Variants in SUGCT observed in about 807,000 individuals in gnomAD.
SUGCT encodes the protein succinyl-CoA:glutarate CoA-transferase.
A neutral mutation model predicts 55.0 loss-of-function variants in SUGCT; 41 were observed. That is an observed-to-expected ratio of 0.74 (90% CI 0.58 to 0.97). The LOEUF is 0.97. Among genes scored for constraint, SUGCT ranks in the 50% least tolerant of loss-of-function variants. The pLI is 0.00. For missense variants in SUGCT, 568 were observed against 547.8 expected, an observed-to-expected ratio of 1.04 and a Z score of -0.37; for synonymous variants, 187 against 200.4, an observed-to-expected ratio of 0.93 and a Z score of 0.56.
chr7:40,333,708 T>C (rs1796491080), intron 9 of SUGCT, among the ~76,000 whole-genome samples: 1 of 120,628 alleles, frequency 8.3e-6, no homozygotes, highest in Admixed American at 8.8e-5. Flanking sequence ...TATATAAATA[T>C]TTATAAAATA....
At position 40,389,624 on chromosome 7, in the gene SUGCT, A is replaced by G. The variant is rs546265837; in HGVS notation, c.817-59663A>G. On this transcript the variant is annotated intron_variant, in intron 9 of 13. Transcript: ENST00000335693. The stretch of plus-strand genomic sequence containing the variant: ...GCACTTTATCTCATTGTCAATGACA[A>G]AGCAATAAGGTAAATATTATTTCTA... Among the ~76,000 whole-genome samples the G allele has an allele frequency of 5.9e-5, 9 of 152,312 alleles. No individual in the cohort carries two copies. The South Asian group carries it at 6.2e-4, about 11-fold the overall frequency.
chr7:40,614,653 A>C (rs1798909848), intron 12 of SUGCT, among the ~76,000 whole-genome samples: 1 of 152,244 alleles, frequency 6.6e-6, no homozygotes, highest in South Asian at 2.1e-4. Flanking sequence ...TGAAATCAGA[A>C]CTTAGGAAAG....
intron 7 of SUGCT, among the ~76,000 whole-genome samples, chr7:40,248,058 C>A (rs1046078245): frequency 6.9e-5 from 10 of 144,264 alleles, no homozygotes; most frequent in African/African-American, 2.6e-4. Context: ...GTTGCCCAGG[C>A]TGGAGTGCAG....
chr7:40,883,571 G>A, the SUGCT span, among the ~76,000 whole-genome samples: 2 of 152,126 alleles, frequency 1.3e-5, no homozygotes, highest in Non-Finnish European at 2.9e-5. Flanking sequence ...TCACAGAATT[G>A]TCAGGATGAC....
chr7:40,490,440 C>T (rs1168691678), intron 11 of SUGCT, among the ~76,000 whole-genome samples: 1 of 152,132 alleles, frequency 6.6e-6, no homozygotes, highest in Non-Finnish European at 1.5e-5. Context: ...TTTCCCACTG[C>T]AGAAATTGTG....
At chr7:41,009,321 A>C in the SUGCT span, among the ~76,000 whole-genome samples, 6 of 152,016 alleles carry the variant, frequency 3.9e-5, no homozygotes, top group Admixed American at 3.9e-4. Context: ...AATGATTTTT[A>C]TACCCAGGGC....
intron 12 of SUGCT, among the ~76,000 whole-genome samples, chr7:40,585,188 T>G (rs1430148357): frequency 6.6e-6 from 1 of 152,162 alleles, no homozygotes; most frequent in African/African-American, 2.4e-5. Flanking sequence ...CCAAATGTAG[T>G]TATCCTTGAA....
rs533756208 is a variant in SUGCT at position 40,323,032 on chromosome 7, A to G, written c.816+6177A>G. On this transcript the variant is annotated intron_variant, in intron 9 of 13. Transcript: ENST00000335693. ...ATGAGTCCCATCACTCCTTATACCC[A>G]TTTGCCTCAATTACAACCAGAACTC... Among the ~76,000 whole-genome samples the G allele has an allele frequency of 2.0e-5, 3 of 149,490 alleles. No homozygotes were observed. The South Asian group carries it at 6.4e-4, about 32-fold the overall frequency.
At chr7:40,789,634 A>G (rs1790207155) in intron 13 of SUGCT, among the ~76,000 whole-genome samples, 1 of 152,178 alleles carries the variant, frequency 6.6e-6, no homozygotes, top group South Asian at 2.1e-4. Flanking sequence ...TTGGATAAAT[A>G]CCCAGGAGTG....
chr7:40,493,174 A>G (rs1286905874), intron 11 of SUGCT, among the ~76,000 whole-genome samples: 2 of 152,184 alleles, frequency 1.3e-5, no homozygotes, highest in Non-Finnish European at 2.9e-5. Context: ...AAGCAGTCTC[A>G]GCTTTAAACA....
At chr7:40,868,178 T>C in the SUGCT span, among the ~76,000 whole-genome samples, 22 of 152,298 alleles carry the variant, frequency 1.4e-4, no homozygotes, top group South Asian at 4.1e-3. Flanking sequence ...GAGCTAGTCT[T>C]TTTTTCTTTA....
chr7:40,566,570 C>T (rs1796164880), intron 12 of SUGCT, among the ~76,000 whole-genome samples: 1 of 152,198 alleles, frequency 6.6e-6, no homozygotes, highest in African/African-American at 2.4e-5. Context: ...TTCTTCTTTG[C>T]TTGTCTGCTA....
Position 40,847,029 on chromosome 7 carries a change from T to C in SUGCT, c.1154-13287T>C, listed in dbSNP as rs142922499. Among the ~76,000 whole-genome samples, 290 of 152,282 alleles carry C rather than the reference T, an allele frequency of 1.9e-3. 1 individual carries two copies. Among genetic ancestry groups the C allele is most frequent in the African/African-American group, 6.6e-3 (275 of 41,554 alleles). On this transcript the variant is annotated intron_variant, in intron 13 of 13. Coordinates refer to ENST00000335693, the MANE Select transcript of SUGCT (RefSeq NM_001193313.2). ...AGTATCATCATTCCACTGGCCAAAA[T>C]TGGCTACACACAAAATGAGCCATTT...
At chr7:40,290,460 A>G (rs1793670080) in intron 8 of SUGCT, among the ~76,000 whole-genome samples, 1 of 152,208 alleles carries the variant, frequency 6.6e-6, no homozygotes, top group African/African-American at 2.4e-5. Context: ...ATATGTAGAA[A>G]GCTGAAACTG....
chr7:40,888,340 G>C, the SUGCT span, among the ~76,000 whole-genome samples: 2 of 151,994 alleles, frequency 1.3e-5, no homozygotes, highest in African/African-American at 4.8e-5. Context: ...AAAAGGTAGA[G>C]ATAGGGAGGC....
chr7:40,543,240 C>T (rs1040562290), intron 12 of SUGCT, among the ~76,000 whole-genome samples: 23 of 152,262 alleles, frequency 1.5e-4, no homozygotes, highest in Non-Finnish European at 4.4e-5. Context: ...GATCATCCTG[C>T]TGAAAATATG....
At chr7:40,331,688 C>CTTCA (rs1443115274) in intron 9 of SUGCT, among the ~76,000 whole-genome samples, 2 of 152,164 alleles carry the variant, frequency 1.3e-5, no homozygotes, top group Non-Finnish European at 2.9e-5. Context: ...GAGTGGAGCT[C>CTTCA]TGGGTCATGG....
chr7:40,991,320 T>G, the SUGCT span, among the ~76,000 whole-genome samples: 1 of 152,148 alleles, frequency 6.6e-6, no homozygotes, highest in African/African-American at 2.4e-5. Context: ...TCTTCACTGT[T>G]CCTTGCACCT....
At position 40,277,335 on chromosome 7, in the gene SUGCT, A is replaced by G. The variant is rs372890790; in HGVS notation, c.720+2679A>G. ...TAACTGGGACTACAGGCGTGTGTCA[A>G]AACTCCTGGCTAATTTTTTTTTTTT... On this transcript the variant is annotated intron_variant, in intron 8 of 13. Transcript: ENST00000335693. Among the ~76,000 whole-genome samples the G allele has an allele frequency of 6.6e-5, 10 of 150,992 alleles. No homozygotes were observed. The East Asian group carries it at 1.7e-3, about 26-fold the overall frequency.
Sources: allele counts gnomAD v4.1 joint callset (sites outside exome capture counted in the v4.1 genomes callset), GRCh38; gene constraint gnomAD v4.1.1; transcripts MANE v1.5; gene names NCBI Gene and HGNC (gene_info 2026-07-23, HGNC 2026-07-21).